The following DEUP1 variants were observed in gnomAD, a reference collection of about 807,000 sequenced individuals.
The protein encoded by DEUP1 is deuterosome assembly protein 1, also known as coiled-coil domain containing 67.
DEUP1 carries 82 observed loss-of-function variants against 87.4 expected under a neutral mutation model. The observed-to-expected ratio is 0.94, with a 90% CI of 0.78 to 1.13. The LOEUF is 1.13. Ranked by LOEUF, DEUP1 falls within the 50% of genes most tolerant of loss-of-function variation. The pLI, the probability that DEUP1 is intolerant of heterozygous loss-of-function variation, is 0.00. For synonymous variants in DEUP1, 214 were observed against 222.7 expected (o/e 0.96, Z 0.35); for missense variants, 663 against 681.5 (o/e 0.97, Z 0.30).
chr11:93,435,707 A>G (rs1171229928), intron 13 of DEUP1, among the ~76,000 whole-genome samples: 1 of 152,078 alleles, frequency 6.6e-6, no homozygotes, highest in African/African-American at 2.4e-5. Context: ...CTCACAAAAT[A>G]ATTTTTTCAC....
chr11:93,390,301 A>C (rs1166940683), intron 9 of DEUP1, among the ~76,000 whole-genome samples: 1 of 152,206 alleles, frequency 6.6e-6, no homozygotes, highest in Non-Finnish European at 1.5e-5. Flanking sequence ...AATTTAACAA[A>C]CATTTGTTGA....
rs115993715 is a variant in DEUP1 at position 93,363,831 on chromosome 11, A to G, written c.298-329A>G. ...TTGTAAACACAAGACGGCACTAACTAAAAGTAAGAAAAAAACTTGTTTTTT... is the reference window on the plus strand; with the variant it reads ...TTGTAAACACAAGACGGCACTAACTGAAAGTAAGAAAAAAACTTGTTTTTT... On this transcript the variant is annotated intron_variant, in intron 4 of 13. Coordinates refer to ENST00000298050, the MANE Select transcript of DEUP1 (RefSeq NM_181645.4). 7.6e-3 allele frequency among the ~76,000 whole-genome samples: 1,155 copies of G among 152,026 alleles called. 15 individuals carry two copies. Among genetic ancestry groups the G allele is most frequent in the African/African-American group, 0.027 (1,114 of 41,542 alleles).
intron 3 of DEUP1, 148 bp downstream of exon 3, chr11:93,355,690 A>T: frequency 4.3e-6 from 3 of 693,148 alleles, no homozygotes. Flanking sequence ...ATTATAGGCT[A>T]AATGTATTAT....
intron 7 of DEUP1, among the ~76,000 whole-genome samples, chr11:93,382,662 C>G (rs1204153076): frequency 6.6e-6 from 1 of 152,138 alleles, no homozygotes; most frequent in Non-Finnish European, 1.5e-5. Flanking sequence ...ATGCACTTTT[C>G]TACATGCAAC....
intron 13 of DEUP1, 43 bp downstream of exon 13, chr11:93,415,157 T>C (rs1170932552): frequency 1.7e-6 from 2 of 1,162,566 alleles, no homozygotes; most frequent in South Asian, 2.5e-5. Flanking sequence ...TAATGGGTTA[T>C]TGCTTTACTC....
chr11:93,431,010 C>A (rs992807579), intron 13 of DEUP1, among the ~76,000 whole-genome samples: 1 of 149,326 alleles, frequency 6.7e-6, no homozygotes, highest in Non-Finnish European at 1.5e-5. Flanking sequence ...GCAAGAGAAT[C>A]GCTTGAACCC....
At chr11:93,399,184 T>C (rs1448468432) in intron 11 of DEUP1, among the ~76,000 whole-genome samples, 1 of 151,840 alleles carries the variant, frequency 6.6e-6, no homozygotes, top group Non-Finnish European at 1.5e-5. Context: ...TACATATATA[T>C]ATATATTTCT....
chr11:93,365,901 A>G (rs767466724), intron 5 of DEUP1, among the ~76,000 whole-genome samples: 4 of 152,216 alleles, frequency 2.6e-5, no homozygotes, highest in Non-Finnish European at 5.9e-5. Context: ...TAATAGAAGT[A>G]TAGTAATAGC....
chr11:93,362,957 A>C (rs544615039), intron 4 of DEUP1, among the ~76,000 whole-genome samples: 1 of 151,896 alleles, frequency 6.6e-6, no homozygotes, highest in Admixed American at 6.6e-5. Flanking sequence ...AGTAGACACC[A>C]TTGTTCATAG....
Position 93,359,529 on chromosome 11 carries a change from T to A in DEUP1, c.297+2486T>A, listed in dbSNP as rs1013828756. 3.3e-5 allele frequency among the ~76,000 whole-genome samples: 5 copies of A among 152,260 alleles called. No individual in the cohort carries two copies. The South Asian group carries it at 1.0e-3, about 32-fold the overall frequency. On this transcript the variant is annotated intron_variant, in intron 4 of 13. Coordinates refer to ENST00000298050, the MANE Select transcript of DEUP1 (RefSeq NM_181645.4). ...ACAGATTGGCTAAGGACCTTGGGAC[T>A]CAAGAATGTCACAATAGTGAGTTCC... is the stretch of plus-strand genomic sequence containing the variant.
At position 93,406,188 on chromosome 11, in the gene DEUP1, C is replaced by T. The variant is rs118141697; in HGVS notation, c.1327-2043C>T. On this transcript the variant is annotated intron_variant, in intron 11 of 13. Transcript: ENST00000298050. ...CTCATTTTGTAATTTAGACATGCTTCATATTCTATTCTGAGGACACACTAA... is the reference window on the plus strand; with the variant it reads ...CTCATTTTGTAATTTAGACATGCTTTATATTCTATTCTGAGGACACACTAA... 8.1e-3 allele frequency among the ~76,000 whole-genome samples: 1,237 copies of T among 152,008 alleles called. 6 individuals carry two copies. Among genetic ancestry groups the T allele is most frequent in the Admixed American group, 0.014 (216 of 15,246 alleles).
Position 93,408,261 on chromosome 11 carries a change from A to G in DEUP1, c.1357A>G (p.Arg453Gly), listed in dbSNP as rs370375086. ...GGACTTCACTAACAGGGAACAGTCA[A>G]GGCATACATCTATTAATAAACTGCA... is the stretch of plus-strand genomic sequence containing the variant. Reference protein sequence around the residue: ...SMDFTNREQSRHTSINKLQYE... With the variant: ...SMDFTNREQSGHTSINKLQYE... The change falls in exon 12 of 14, where the codon AGG becomes GGG. Residue 453 changes from arginine to glycine, a missense_variant. By Grantham distance (125) the Arg-to-Gly change is moderately radical. Transcript: ENST00000298050. The G allele has an allele frequency of 1.3e-6, 2 of 1,582,346 alleles. No individual in the cohort carries two copies. The highest frequency in any genetic ancestry group is 2.7e-5 in the African/African-American group (2 of 74,398).
intron 11 of DEUP1, among the ~76,000 whole-genome samples, chr11:93,407,837 G>A (rs571425728): frequency 6.6e-6 from 1 of 151,094 alleles, no homozygotes; most frequent in Non-Finnish European, 1.5e-5. Context: ...TTAGGTTGGT[G>A]CAAAAGTAAT....
At chr11:93,394,307 ATC>A (rs1830170993) in intron 9 of DEUP1, 150 bp from the exon 10 acceptor site, 1 of 524,666 alleles carries the variant, frequency 1.9e-6, no homozygotes, top group African/African-American at 1.9e-5. Context: ...TATTATATGT[ATC>A]TGTTTTTAAT....
At chr11:93,413,827 C>T (rs1414596653) in intron 12 of DEUP1, among the ~76,000 whole-genome samples, 1 of 151,956 alleles carries the variant, frequency 6.6e-6, no homozygotes, top group Non-Finnish European at 1.5e-5. Context: ...GGATTTGAGT[C>T]CAAAATCTAA....
chr11:93,352,628 A>G, intron 2 of DEUP1: 1 of 572,656 alleles, frequency 1.7e-6, no homozygotes, highest in Non-Finnish European at 3.1e-6. Flanking sequence ...GAGACTGGGA[A>G]GAAAAAGAGG....
At chr11:93,412,704 TA>T (rs919743129) in intron 12 of DEUP1, among the ~76,000 whole-genome samples, 4 of 152,202 alleles carry the variant, frequency 2.6e-5, no homozygotes, top group Admixed American at 1.3e-4. Flanking sequence ...GAATCGCTAC[TA>T]ATTTTTTTTC....
At chr11:93,353,592 T>C (rs1251003107) in intron 2 of DEUP1, among the ~76,000 whole-genome samples, 1 of 152,252 alleles carries the variant, frequency 6.6e-6, no homozygotes, top group Non-Finnish European at 1.5e-5. Flanking sequence ...CGAAGCAAAC[T>C]TCTGCATGGG....
chr11:93,392,317 A>G (rs187850467), intron 9 of DEUP1, among the ~76,000 whole-genome samples: 75 of 152,290 alleles, frequency 4.9e-4, no homozygotes, highest in African/African-American at 1.6e-3. Flanking sequence ...GCAGAGCACA[A>G]TAGTTCACAG....
Sources: allele counts gnomAD v4.1 joint callset (sites outside exome capture counted in the v4.1 genomes callset), GRCh38; gene constraint gnomAD v4.1.1; transcripts MANE v1.5; gene names NCBI Gene and HGNC (gene_info 2026-07-23, HGNC 2026-07-21).